The following CMSS1 variants were observed in gnomAD, a reference collection of about 807,000 sequenced individuals.
CMSS1 encodes cms1 ribosomal small subunit homolog.
In CMSS1, 33 loss-of-function variants were observed where a neutral mutation model predicts 43.5. The observed-to-expected ratio is 0.76, with a 90% CI of 0.57 to 1.01. The LOEUF (loss-of-function observed/expected upper bound fraction) is 1.01. Among genes scored for constraint, CMSS1 ranks in the 50% least tolerant of loss-of-function variants. The probability of loss-of-function intolerance (pLI) is 0.00; values close to 1 mark genes in which losing one functional copy is unlikely to be tolerated. For synonymous variants in CMSS1, 115 were observed against 117.2 expected (o/e 0.98, Z 0.12); for missense variants, 313 against 326.4 (o/e 0.96, Z 0.32).
At chr3:100,038,102 C>T (rs2107281307) in intron 1 of CMSS1, among the ~76,000 whole-genome samples, 1 of 151,992 alleles carries the variant, frequency 6.6e-6, no homozygotes, top group Middle Eastern at 3.4e-3. Context: ...ATTACAGGCA[C>T]CTGCCACCAT....
chr3:99,920,260 C>CT (rs1206822517), intron 1 of CMSS1, among the ~76,000 whole-genome samples: 2 of 151,826 alleles, frequency 1.3e-5, no homozygotes, highest in South Asian at 2.1e-4. Context: ...AAAAGCAACT[C>CT]TTTTTTTTCT....
intron 1 of CMSS1, among the ~76,000 whole-genome samples, chr3:99,912,777 C>G (rs990007220): frequency 1.3e-5 from 2 of 152,182 alleles, no homozygotes; most frequent in African/African-American, 4.8e-5. Context: ...GGGTTGTTTT[C>G]ACTTCTTGAC....
chr3:100,000,098 T>A (rs1473623702), intron 1 of CMSS1, among the ~76,000 whole-genome samples: 2 of 152,174 alleles, frequency 1.3e-5, no homozygotes, highest in Admixed American at 6.5e-5. Flanking sequence ...TAATATATAA[T>A]CAGGACTGGA....
At chr3:100,167,871 A>G (rs762470904) in intron 6 of CMSS1, 31 bp downstream of exon 6, 1 of 1,459,618 alleles carries the variant, frequency 6.9e-7, no homozygotes, top group Admixed American at 1.8e-5. Context: ...CATATCATAA[A>G]TGTTTTCTGA....
At chr3:100,056,354 AAAT>A (rs1360786398) in intron 1 of CMSS1, among the ~76,000 whole-genome samples, 2 of 152,220 alleles carry the variant, frequency 1.3e-5, no homozygotes, top group Non-Finnish European at 2.9e-5. Context: ...TCTACTTTTT[AAAT>A]TTCTATGGGA....
chr3:100,078,709 G>A (rs925402687), intron 1 of CMSS1, among the ~76,000 whole-genome samples: 30 of 152,126 alleles, frequency 2.0e-4, no homozygotes, highest in Admixed American at 5.2e-4. Flanking sequence ...TAGCCAACAC[G>A]GCGAAACCCC....
At chr3:100,102,685 G>A (rs1293393552) in intron 1 of CMSS1, among the ~76,000 whole-genome samples, 1 of 152,112 alleles carries the variant, frequency 6.6e-6, no homozygotes, top group East Asian at 1.9e-4. Flanking sequence ...TAGTTACTCC[G>A]TGTTTGACTA....
chr3:100,091,578 G>T (rs920961461), intron 1 of CMSS1, among the ~76,000 whole-genome samples: 1 of 152,202 alleles, frequency 6.6e-6, no homozygotes, highest in South Asian at 2.1e-4. Flanking sequence ...GTGTAGCCAT[G>T]TTCTAACTTA....
At chr3:100,020,997 C>T (rs1349036404) in intron 1 of CMSS1, among the ~76,000 whole-genome samples, 1 of 152,102 alleles carries the variant, frequency 6.6e-6, no homozygotes, top group African/African-American at 2.4e-5. Flanking sequence ...GATCTCTTGA[C>T]CTTGTGATCT....
At chr3:100,126,083 C>T (rs544591439) in intron 1 of CMSS1, among the ~76,000 whole-genome samples, 1 of 152,304 alleles carries the variant, frequency 6.6e-6, no homozygotes, top group South Asian at 2.1e-4. Context: ...GTCTCTTCCC[C>T]TGTAGTACAT....
chr3:100,006,611 G>A (rs1464551921), intron 1 of CMSS1, among the ~76,000 whole-genome samples: 1 of 151,548 alleles, frequency 6.6e-6, no homozygotes, highest in Non-Finnish European at 1.5e-5. Context: ...ACTCAGCTTT[G>A]GAATGATGAG....
At chr3:100,147,152 G>A in intron 2 of CMSS1, 91 bp downstream of exon 2, 1 of 1,366,776 alleles carries the variant, frequency 7.3e-7, no homozygotes, top group Non-Finnish European at 9.9e-7. Flanking sequence ...CCTAATATCG[G>A]TTGTTGGTGG....
chr3:99,998,828 C>T (rs1395771856), intron 1 of CMSS1, among the ~76,000 whole-genome samples: 1 of 152,216 alleles, frequency 6.6e-6, no homozygotes, highest in Non-Finnish European at 1.5e-5. Flanking sequence ...CTTAGCCTCC[C>T]AAAGTAATGG....
intron 1 of CMSS1, among the ~76,000 whole-genome samples, chr3:99,891,731 T>C (rs1325310995): frequency 6.6e-6 from 1 of 152,200 alleles, no homozygotes; most frequent in Non-Finnish European, 1.5e-5. Flanking sequence ...AATGGAGTTT[T>C]AGCTTAACCC....
chr3:99,965,642 A>C (rs901361928), intron 1 of CMSS1, among the ~76,000 whole-genome samples: 2 of 152,184 alleles, frequency 1.3e-5, no homozygotes, highest in African/African-American at 4.8e-5. Context: ...GAATCCAGGA[A>C]TGGCCAACTC....
intron 1 of CMSS1, among the ~76,000 whole-genome samples, chr3:100,099,399 G>C (rs2066265775): frequency 6.6e-6 from 1 of 152,060 alleles, no homozygotes; most frequent in Admixed American, 6.5e-5. Flanking sequence ...CAAATTTTCT[G>C]ATAAGATTTT....
At position 99,974,776 on chromosome 3, in the gene CMSS1, CAT is replaced by C. The variant is rs139173930; in HGVS notation, c.64+156734_64+156735del. 8.7e-3 allele frequency among the ~76,000 whole-genome samples: 1,326 copies of C among 152,150 alleles called. 20 individuals are homozygous for C. Among genetic ancestry groups the C allele is most frequent in the African/African-American group, 0.026 (1,098 of 41,498 alleles). ...GTGGAAAAAACCTGTTGTTTGATGA[CAT>C]GTAGTTAAAATTCATTTACTTATAT... On this transcript the variant is annotated intron_variant, in intron 1 of 9. Transcript: ENST00000421999.
intron 1 of CMSS1, among the ~76,000 whole-genome samples, chr3:99,967,916 A>T (rs925775114): frequency 6.6e-6 from 1 of 152,228 alleles, no homozygotes; most frequent in Non-Finnish European, 1.5e-5. Flanking sequence ...TTACAAATAG[A>T]TAAGTGCAAC....
chr3:100,038,786 G>C (rs187977056), intron 1 of CMSS1, among the ~76,000 whole-genome samples: 8 of 152,208 alleles, frequency 5.3e-5, no homozygotes, highest in African/African-American at 1.9e-4. Flanking sequence ...CAGGTGCCAA[G>C]CCACGGTGCC....
Sources: allele counts gnomAD v4.1 joint callset (sites outside exome capture counted in the v4.1 genomes callset), GRCh38; gene constraint gnomAD v4.1.1; transcripts MANE v1.5; gene names NCBI Gene and HGNC (gene_info 2026-07-23, HGNC 2026-07-21).